Variants in ZC2HC1A observed in about 807,000 individuals in gnomAD.
ZC2HC1A encodes the protein zinc finger C2HC-type containing 1A.
A neutral mutation model predicts 40.7 loss-of-function variants in ZC2HC1A; 28 were observed. The ratio of observed to expected loss-of-function variants is 0.69; its 90% CI spans 0.51 to 0.94. ZC2HC1A has a LOEUF of 0.94. Ranked by LOEUF, ZC2HC1A falls within the 40% of genes least tolerant of loss-of-function variation. ZC2HC1A has a pLI of 0.00. For missense variants in ZC2HC1A, 389 were observed against 386.3 expected (o/e 1.01, Z -0.06); for synonymous variants, 129 against 129.2 (o/e 1.00, Z 0.01).
At chr8:78,706,929 T>C (rs998010992) in intron 7 of ZC2HC1A, among the ~76,000 whole-genome samples, 1 of 152,158 alleles carries the variant, frequency 6.6e-6, no homozygotes, top group Admixed American at 6.5e-5. Flanking sequence ...ATTTTTCTTA[T>C]TGTTGTGCTT....
intron 1 of ZC2HC1A, among the ~76,000 whole-genome samples, chr8:78,670,949 G>A (rs954956474): frequency 6.6e-6 from 1 of 152,114 alleles, no homozygotes; most frequent in African/African-American, 2.4e-5. Context: ...ATTTTGGAAA[G>A]GATATTGGGA....
intron 7 of ZC2HC1A, 54 bp downstream of exon 7, chr8:78,698,567 G>GT: frequency 5.6e-6 from 7 of 1,242,994 alleles, no homozygotes; most frequent in East Asian, 2.6e-5. Context: ...CGATACTAAG[G>GT]TTTTGTTATG....
rs1340092547 is a variant in ZC2HC1A, at chr8:78,674,057, ATTT to A, written c.17-1726_17-1724del. ...TAATATTTGGTTGCTTTATGTTTTA[ATTT>A]TTTGTATGAAAAATAGGAGTTGATT... On this transcript the variant is annotated intron_variant, in intron 1 of 8. Coordinates refer to ENST00000263849, the MANE Select transcript of ZC2HC1A (RefSeq NM_016010.3). Among the ~76,000 whole-genome samples, 8 of 152,214 alleles carry A rather than the reference ATTT, an allele frequency of 5.3e-5. No homozygotes were observed. The East Asian group carries it at 9.7e-4, about 18-fold the overall frequency.
intron 7 of ZC2HC1A, among the ~76,000 whole-genome samples, chr8:78,704,633 A>G (rs376499873): frequency 6.6e-6 from 1 of 152,256 alleles, no homozygotes; most frequent in South Asian, 2.1e-4. Flanking sequence ...CTGAATTTGA[A>G]TGTTGGCCCA....
chr8:78,677,844 T>C (rs1487760189), intron 2 of ZC2HC1A, among the ~76,000 whole-genome samples: 1 of 152,308 alleles, frequency 6.6e-6, no homozygotes, highest in Middle Eastern at 3.4e-3. Flanking sequence ...AGTAAAGGAA[T>C]GAAAGAACGG....
At chr8:78,702,379 T>C (rs748336004) in intron 7 of ZC2HC1A, among the ~76,000 whole-genome samples, 26 of 152,314 alleles carry the variant, frequency 1.7e-4, no homozygotes, top group African/African-American at 5.8e-4. Context: ...TTAGTGTAGC[T>C]AGCAGCCTAT....
chr8:78,709,276 C>G (rs993302503), intron 7 of ZC2HC1A, among the ~76,000 whole-genome samples: 1 of 151,988 alleles, frequency 6.6e-6, no homozygotes, highest in Non-Finnish European at 1.5e-5. Context: ...GTTTCTCATA[C>G]CTTATTTAAA....
intron 3 of ZC2HC1A, among the ~76,000 whole-genome samples, chr8:78,679,778 T>C (rs551739230): frequency 1.3e-5 from 2 of 152,318 alleles, no homozygotes; most frequent in Admixed American, 6.5e-5. Context: ...ATCTTACTAA[T>C]AAAAAATCAT....
chr8:78,673,425 A>T (rs921767110), intron 1 of ZC2HC1A, among the ~76,000 whole-genome samples: 2 of 152,196 alleles, frequency 1.3e-5, no homozygotes, highest in Non-Finnish European at 2.9e-5. Context: ...CTTTGGGTAC[A>T]TACCCGGTAA....
chr8:78,673,037 G>GT (rs1400517815), intron 1 of ZC2HC1A, among the ~76,000 whole-genome samples: 7 of 151,984 alleles, frequency 4.6e-5, no homozygotes, highest in African/African-American at 1.7e-4. Flanking sequence ...CATGCATTAG[G>GT]TATTTGTCTT....
intron 7 of ZC2HC1A, among the ~76,000 whole-genome samples, chr8:78,711,824 C>T (rs553834763): frequency 3.9e-4 from 59 of 152,048 alleles, no homozygotes; most frequent in African/African-American, 1.4e-3. Context: ...ATTGTATGAA[C>T]TCTCTGAGGA....
In ZC2HC1A at chr8:78,676,790, C is replaced by T. The variant is rs115178269; in HGVS notation, c.93+927C>T. Among the ~76,000 whole-genome samples the T allele has an allele frequency of 9.7e-4, 148 of 151,934 alleles. 2 individuals carry two copies. Among genetic ancestry groups the T allele is most frequent in the African/African-American group, 3.4e-3 (141 of 41,496 alleles). On this transcript the variant is annotated intron_variant, in intron 2 of 8. Coordinates refer to ENST00000263849, the MANE Select transcript of ZC2HC1A (RefSeq NM_016010.3). The stretch of plus-strand genomic sequence containing the variant: ...TTTTTCTTATCAATTTATTATTTTT[C>T]AGAGTGTTCAGCTGAATTTCACAGC...
Position 78,719,096 on chromosome 8 carries a change from A to G in ZC2HC1A, c.*1603A>G, listed in dbSNP as rs908514705. 6.6e-6 allele frequency: 1 copy of G among 151,808 alleles called. No individual in the cohort carries two copies. Among genetic ancestry groups the G allele is most frequent in the African/African-American group, 2.4e-5 (1 of 41,440 alleles). The allele number at this position is 151,808 out of a possible 1,614,324, so 9.4% of individuals were successfully genotyped here. A position where few individuals can be genotyped will look rare whatever the true frequency, so the allele number is the denominator to read the frequency against. On this transcript the variant is annotated 3_prime_UTR_variant, in exon 9 of 9. Coordinates refer to ENST00000263849, the MANE Select transcript of ZC2HC1A (RefSeq NM_016010.3). ...GTCAAAACAAAGAAACAAATAGTCC[A>G]TCAACTAAAATAAGCTGTAATGAAT... is the stretch of plus-strand genomic sequence containing the variant.
intron 4 of ZC2HC1A, among the ~76,000 whole-genome samples, 168 bp downstream of exon 4, chr8:78,686,776 A>G (rs1458021051): frequency 6.6e-6 from 1 of 152,214 alleles, no homozygotes; most frequent in East Asian, 1.9e-4. Context: ...GTAGGCTTAT[A>G]AAGACATTAA....
intron 2 of ZC2HC1A, among the ~76,000 whole-genome samples, chr8:78,676,741 A>G (rs1488975711): frequency 2.0e-5 from 3 of 151,998 alleles, no homozygotes; most frequent in Non-Finnish European, 4.4e-5. Context: ...TTTTAAAAAC[A>G]TCTTGCCCAC....
chr8:78,695,997 TATG>T (rs1171119114), intron 5 of ZC2HC1A, among the ~76,000 whole-genome samples: 1 of 152,176 alleles, frequency 6.6e-6, no homozygotes, highest in Non-Finnish European at 1.5e-5. Context: ...GGTTATAAAA[TATG>T]ATTTGATTTT....
chr8:78,711,684 T>A (rs1810954921), intron 7 of ZC2HC1A, among the ~76,000 whole-genome samples: 1 of 151,264 alleles, frequency 6.6e-6, no homozygotes, highest in African/African-American at 2.4e-5. Flanking sequence ...GCTTCATGAT[T>A]TTTTTTTTGA....
intron 5 of ZC2HC1A, among the ~76,000 whole-genome samples, chr8:78,696,513 G>A (rs1168273305): frequency 6.6e-6 from 1 of 152,184 alleles, no homozygotes; most frequent in African/African-American, 2.4e-5. Flanking sequence ...TCTTGCTATT[G>A]AAGCAGGTGA....
At chr8:78,716,948 G>A (rs1256102853) in intron 8 of ZC2HC1A, among the ~76,000 whole-genome samples, 2 of 151,986 alleles carry the variant, frequency 1.3e-5, no homozygotes, top group Non-Finnish European at 2.9e-5. Context: ...TTTGCCTTCT[G>A]CTATGAATAA....
Sources: gnomAD v4.1 joint callset for allele counts (sites outside exome capture counted in the v4.1 genomes callset) on GRCh38, gnomAD v4.1.1 for gene constraint, MANE v1.5 for transcripts, NCBI Gene and HGNC (gene_info 2026-07-23, HGNC 2026-07-21) for gene names.